The following CSGALNACT1 variants were observed in gnomAD, a reference collection of about 807,000 sequenced individuals.
CSGALNACT1 encodes beta4GalNAcT-1.
In CSGALNACT1, 52 loss-of-function variants were observed where a neutral mutation model predicts 51.0. The ratio of observed to expected loss-of-function variants is 1.02; its 90% CI spans 0.82 to 1.29. The LOEUF is 1.29. Among genes scored for constraint, CSGALNACT1 ranks in the 50% most tolerant of loss-of-function variants. The pLI is 0.00. For missense variants in CSGALNACT1, 935 were observed against 679.2 expected (o/e 1.38, Z -4.19); for synonymous variants, 341 against 254.4 (o/e 1.34, Z -3.24).
chr8:19,751,273 C>T (rs190022192), intron 1 of CSGALNACT1, among the ~76,000 whole-genome samples: 21 of 152,066 alleles, frequency 1.4e-4, no homozygotes, highest in South Asian at 2.1e-4. Flanking sequence ...CGTTCTCATC[C>T]GTAAAACGCA....
intron 1 of CSGALNACT1, among the ~76,000 whole-genome samples, chr8:19,653,076 C>G (rs2057958489): frequency 6.6e-6 from 1 of 152,164 alleles, no homozygotes; most frequent in Non-Finnish European, 1.5e-5. Flanking sequence ...CTGATGAAAA[C>G]TGAACCCACT....
intron 8 of CSGALNACT1, among the ~76,000 whole-genome samples, chr8:19,417,126 A>T (rs908196968): frequency 5.3e-5 from 8 of 152,194 alleles, no homozygotes; most frequent in Admixed American, 1.3e-4. Context: ...AAGTGCTGGC[A>T]TTAAAGACAT....
chr8:19,445,774 C>T (rs1174525323), intron 5 of CSGALNACT1, among the ~76,000 whole-genome samples: 2 of 152,156 alleles, frequency 1.3e-5, no homozygotes, highest in Non-Finnish European at 2.9e-5. Context: ...TCTTTGTTTT[C>T]CTCTAAATAA....
chr8:19,481,672 T>A (rs1294790620), intron 4 of CSGALNACT1, among the ~76,000 whole-genome samples: 1 of 152,136 alleles, frequency 6.6e-6, no homozygotes, highest in Non-Finnish European at 1.5e-5. Context: ...ATCATAGTCG[T>A]TTCTGTATCC....
exon 1 of CSGALNACT1, chr8:19,602,043 C>G (rs2050549281): frequency 3.1e-6 from 1 of 323,392 alleles, no homozygotes; most frequent in Non-Finnish European, 6.1e-6. Flanking sequence ...GAATAAAATG[C>G]AAACTATTTG....
chr8:19,614,299 A>T (rs1334194541), intron 1 of CSGALNACT1, among the ~76,000 whole-genome samples: 1 of 152,202 alleles, frequency 6.6e-6, no homozygotes, highest in African/African-American at 2.4e-5. Flanking sequence ...TGTACGCAAA[A>T]TTCCAAGGCT....
At chr8:19,738,491 A>G (rs1215688998) in intron 1 of CSGALNACT1, among the ~76,000 whole-genome samples, 2 of 152,200 alleles carry the variant, frequency 1.3e-5, no homozygotes, top group Non-Finnish European at 2.9e-5. Context: ...GGAATGAGGA[A>G]TTATAGTTAA....
chr8:19,506,173 C>T (rs749555266), intron 3 of CSGALNACT1, 43 bp from the exon 3 acceptor site: 25 of 514,892 alleles, frequency 4.9e-5, no homozygotes, highest in Non-Finnish European at 7.9e-5. Context: ...ATCAAGACAA[C>T]GACTCCCTCA....
At chr8:19,724,752 C>T (rs376166723) in intron 1 of CSGALNACT1, among the ~76,000 whole-genome samples, 15 of 152,236 alleles carry the variant, frequency 9.9e-5, no homozygotes, top group African/African-American at 3.6e-4. Context: ...CTGTTCTGCT[C>T]AGATACTTGA....
At chr8:19,490,360 T>C (rs1299108687) in intron 4 of CSGALNACT1, among the ~76,000 whole-genome samples, 2 of 152,176 alleles carry the variant, frequency 1.3e-5, no homozygotes, top group African/African-American at 4.8e-5. Context: ...AAAGGCACTT[T>C]TGACAGTAGG....
Position 19,404,259 on chromosome 8 carries a change from A to G in CSGALNACT1, c.*1521T>C, listed in dbSNP as rs1371598730. ...TCATAAACTACCAGTACAAATCAAT[A>G]CAATGCATTTTTTAACACACCAACA... On this transcript the variant is annotated 3_prime_UTR_variant, in exon 10 of 10. Coordinates refer to ENST00000454498, the Ensembl canonical transcript of CSGALNACT1. 6.8e-6 allele frequency: 3 copies of G among 442,632 alleles called. No individual in the cohort carries two copies. The East Asian group carries it at 2.1e-4, about 31-fold the overall frequency. 27.4% of individuals were successfully genotyped at this position (442,632 alleles called of 1,614,324 possible).
intron 1 of CSGALNACT1, among the ~76,000 whole-genome samples, chr8:19,703,454 C>G (rs1322675397): frequency 6.6e-6 from 1 of 152,146 alleles, no homozygotes; most frequent in African/African-American, 2.4e-5. Flanking sequence ...CAGGCACCTG[C>G]CACCAAGCCC....
At chr8:19,632,042 A>G (rs1324332274) in intron 1 of CSGALNACT1, among the ~76,000 whole-genome samples, 3 of 152,254 alleles carry the variant, frequency 2.0e-5, no homozygotes, top group Admixed American at 6.5e-5. Flanking sequence ...TTTTCTTACT[A>G]TATTTCAAAG....
chr8:19,681,808 G>A (rs765303679), intron 1 of CSGALNACT1, among the ~76,000 whole-genome samples: 15 of 152,172 alleles, frequency 9.9e-5, no homozygotes, highest in Non-Finnish European at 1.5e-4. Context: ...AGAAGGCACT[G>A]CTCACACCTT....
upstream of CSGALNACT1, among the ~76,000 whole-genome samples, chr8:19,687,469 G>A (rs1482880519): frequency 1.3e-5 from 2 of 152,136 alleles, no homozygotes; most frequent in African/African-American, 4.8e-5. Context: ...CCGTACAGAT[G>A]TGATGCAAAT....
At chr8:19,513,725 T>C (rs1188612888) in intron 3 of CSGALNACT1, among the ~76,000 whole-genome samples, 1 of 152,032 alleles carries the variant, frequency 6.6e-6, no homozygotes, top group Non-Finnish European at 1.5e-5. Context: ...GTATAGCCTA[T>C]TGCTTCTAGG....
At chr8:19,529,689 G>A (rs931836225) in intron 3 of CSGALNACT1, among the ~76,000 whole-genome samples, 6 of 151,996 alleles carry the variant, frequency 3.9e-5, no homozygotes, top group Admixed American at 6.6e-5. Context: ...CAGAGTTGTC[G>A]CTTGGTATCC....
At chr8:19,425,873 G>A (rs1399094975) in intron 6 of CSGALNACT1, among the ~76,000 whole-genome samples, 1 of 152,018 alleles carries the variant, frequency 6.6e-6, no homozygotes, top group Non-Finnish European at 1.5e-5. Flanking sequence ...ACATCACTCG[G>A]TCTTTAAGGC....
At chr8:19,527,751 C>G (rs576794240) in intron 3 of CSGALNACT1, among the ~76,000 whole-genome samples, 9 of 152,224 alleles carry the variant, frequency 5.9e-5, no homozygotes, top group Admixed American at 4.6e-4. Context: ...CAGGGTCAGG[C>G]TGTAGAAAAC....
Sources: allele counts gnomAD v4.1 joint callset (sites outside exome capture counted in the v4.1 genomes callset), GRCh38; gene constraint gnomAD v4.1.1; transcripts MANE v1.5; gene names NCBI Gene and HGNC (gene_info 2026-07-23, HGNC 2026-07-21).